TRHDE: variants seen among roughly 807,000 people sequenced by gnomAD.
TRHDE encodes the protein thyrotropin releasing hormone degrading enzyme.
A neutral mutation model predicts 125.7 loss-of-function variants in TRHDE; 72 were observed. The ratio of observed to expected loss-of-function variants is 0.57; its 90% CI spans 0.47 to 0.70. The LOEUF is 0.70. Among genes scored for constraint, TRHDE ranks in the 30% least tolerant of loss-of-function variants. The pLI is 0.00. For missense variants in TRHDE, 1,110 were observed against 1,327.1 expected (o/e 0.84, Z 2.54); for synonymous variants, 509 against 509.1 (o/e 1.00, Z 0.00).
chr12:72,099,971 G>T (rs1406288139), intron 1 of TRHDE, among the ~76,000 whole-genome samples: 1 of 152,122 alleles, frequency 6.6e-6, no homozygotes, highest in Non-Finnish European at 1.5e-5. Context: ...GATTTCTGTA[G>T]GTAGTAAAGA....
intron 2 of TRHDE, among the ~76,000 whole-genome samples, chr12:72,130,386 T>C (rs1298788906): frequency 6.6e-6 from 1 of 152,152 alleles, no homozygotes; most frequent in Non-Finnish European, 1.5e-5. Context: ...ATATTAGATA[T>C]GAAGAAATAA....
rs141031643 is a variant in TRHDE at position 72,244,590 on chromosome 12, T to C, written n.280-133405T>C. The stretch of plus-strand genomic sequence containing the variant: ...TGATTTGATTGATTAAAAATTTTAG[T>C]GATAATTCAATCCAGAAGAAACATT... On this transcript the variant is annotated intron_variant and non_coding_transcript_variant, in intron 2 of 4. Coordinates refer to the TRHDE transcript ENST00000548156. Among the ~76,000 whole-genome samples the C allele has an allele frequency of 5.2e-4, 79 of 152,156 alleles. 1 individual carries two copies. In the East Asian group the frequency reaches 0.014, roughly 26 times the overall value.
chr12:72,207,719 C>G (rs1344671172), intron 2 of TRHDE, among the ~76,000 whole-genome samples: 3 of 152,150 alleles, frequency 2.0e-5, no homozygotes, highest in Non-Finnish European at 4.4e-5. Context: ...ATACAGCAAA[C>G]TAGGATATCT....
intron 12 of TRHDE, among the ~76,000 whole-genome samples, chr12:72,598,273 T>G (rs1326037324): frequency 6.6e-6 from 1 of 152,222 alleles, no homozygotes; most frequent in Non-Finnish European, 1.5e-5. Flanking sequence ...GTTTCTACAT[T>G]GCTTTTTATA....
At chr12:72,302,238 GTGTGTGTA>G (rs1329461323) in intron 2 of TRHDE, among the ~76,000 whole-genome samples, 1 of 50,836 alleles carries the variant, frequency 2.0e-5, no homozygotes, top group Non-Finnish European at 4.5e-5. Flanking sequence ...TTATCTATGT[GTGTGTGTA>G]TGTGTGTGTG....
Position 72,663,424 on chromosome 12 carries a change from G to A in TRHDE, c.*229G>A, listed in dbSNP as rs1874996679. On this transcript the variant is annotated 3_prime_UTR_variant, in exon 19 of 19. Transcript: ENST00000261180. Reference sequence around the variant, plus strand: ...GGTGTTCCTCTCTAAAGAAACTCTTGCAAGTGAAACTAGCCATGATTGCTT... The same window carrying A: ...GGTGTTCCTCTCTAAAGAAACTCTTACAAGTGAAACTAGCCATGATTGCTT... 2.8e-6 allele frequency: 1 copy of A among 353,878 alleles called. No homozygotes were observed. The highest frequency in any genetic ancestry group is 4.9e-5 in the East Asian group (1 of 20,248). 21.9% of individuals were successfully genotyped at this position (353,878 alleles called of 1,614,324 possible). A position where few individuals can be genotyped will look rare whatever the true frequency, so the allele number is the denominator to read the frequency against.
rs1879898144 is a variant in TRHDE at position 72,286,621 on chromosome 12, G to C, written c.915-60G>C. On this transcript the variant is annotated intron_variant, in intron 1 of 18. Coordinates refer to ENST00000261180, the MANE Select transcript of TRHDE (RefSeq NM_013381.3). The stretch of plus-strand genomic sequence containing the variant: ...TATTTCATCAACAGAAGCATGTAAT[G>C]TGGCCATAACTTAACTCACAACATA... 9 of 1,465,526 alleles carry C rather than the reference G, an allele frequency of 6.1e-6. No individual in the cohort carries two copies. The South Asian group carries it at 9.9e-5, about 16-fold the overall frequency. 90.8% of individuals were successfully genotyped at this position (1,465,526 alleles called of 1,614,324 possible).
chr12:72,641,015 CA>C (rs1461630430), intron 15 of TRHDE, among the ~76,000 whole-genome samples: 1 of 151,928 alleles, frequency 6.6e-6, no homozygotes, highest in Non-Finnish European at 1.5e-5. Flanking sequence ...CTTGTACTCA[CA>C]GAGCAAGAAG....
chr12:72,632,588 A>C (rs917070666), intron 15 of TRHDE, among the ~76,000 whole-genome samples: 3 of 151,860 alleles, frequency 2.0e-5, no homozygotes, highest in African/African-American at 7.2e-5. Flanking sequence ...CTGAGTCATC[A>C]TAGATATCTT....
intron 3 of TRHDE, among the ~76,000 whole-genome samples, chr12:72,406,214 ATTGCC>A: frequency 6.6e-6 from 1 of 152,316 alleles, no homozygotes; most frequent in East Asian, 1.9e-4. Flanking sequence ...TCTGAGCAGG[ATTGCC>A]TTCTCCAAAA....
In TRHDE at chr12:72,667,378, A is replaced by G. The variant is rs1875146892; in HGVS notation, c.*4183A>G. The G allele has an allele frequency of 6.6e-6, 1 of 151,722 alleles. No homozygotes were observed. Among genetic ancestry groups the G allele is most frequent in the African/African-American group, 2.4e-5 (1 of 41,398 alleles). 9.4% of individuals were successfully genotyped at this position (151,722 alleles called of 1,614,324 possible). A position where few individuals can be genotyped will look rare whatever the true frequency, so the allele number is the denominator to read the frequency against. On this transcript the variant is annotated 3_prime_UTR_variant, in exon 19 of 19. Coordinates refer to ENST00000261180, the MANE Select transcript of TRHDE (RefSeq NM_013381.3). ...CAGAGATAATTTTTCATTATCAGAG[A>G]TCATAGCTGAATTATCATTTGACAA...
intron 2 of TRHDE, among the ~76,000 whole-genome samples, chr12:72,149,272 A>G (rs1876301815): frequency 6.6e-6 from 1 of 152,214 alleles, no homozygotes; most frequent in Non-Finnish European, 1.5e-5. Flanking sequence ...AAGAAAACTC[A>G]GAATTGGTTA....
intron 2 of TRHDE, among the ~76,000 whole-genome samples, chr12:72,219,767 T>G (rs1194639606): frequency 2.0e-5 from 3 of 152,186 alleles, no homozygotes; most frequent in Non-Finnish European, 4.4e-5. Context: ...TTATTTCATG[T>G]GTGTGTTCAC....
chr12:72,242,513 G>T (rs1878502007), intron 2 of TRHDE, among the ~76,000 whole-genome samples: 1 of 152,130 alleles, frequency 6.6e-6, no homozygotes, highest in Non-Finnish European at 1.5e-5. Context: ...TTTTGGACAA[G>T]CCCTCTGTTT....
intron 5 of TRHDE, among the ~76,000 whole-genome samples, chr12:72,475,469 G>A (rs1283510801): frequency 6.6e-6 from 1 of 152,232 alleles, no homozygotes; most frequent in East Asian, 1.9e-4. Flanking sequence ...TATACATGGG[G>A]TGAAAAGTGA....
chr12:72,433,270 A>G (rs960870496), intron 3 of TRHDE, among the ~76,000 whole-genome samples: 1 of 151,994 alleles, frequency 6.6e-6, no homozygotes, highest in East Asian at 1.9e-4. Context: ...TTTCTTCTGA[A>G]GTATTGTCTG....
intron 2 of TRHDE, among the ~76,000 whole-genome samples, chr12:72,250,837 GATATATATATATAT>G (rs376713479): frequency 3.4e-5 from 4 of 117,932 alleles, no homozygotes; most frequent in Admixed American, 8.6e-5. Flanking sequence ...ATGACTTACA[GATATATATATATAT>G]ATATATATAT....
chr12:72,454,531 T>C (rs1875745365), intron 3 of TRHDE, among the ~76,000 whole-genome samples: 1 of 152,142 alleles, frequency 6.6e-6, no homozygotes, highest in South Asian at 2.1e-4. Flanking sequence ...TTACATTGAA[T>C]ACTGAAAAAG....
At chr12:72,193,909 T>A (rs1364940110) in intron 2 of TRHDE, among the ~76,000 whole-genome samples, 1 of 152,120 alleles carries the variant, frequency 6.6e-6, no homozygotes, top group African/African-American at 2.4e-5. Flanking sequence ...ACATGTAACA[T>A]CTCTTGAAAA....
Sources: gnomAD v4.1 joint callset for allele counts (sites outside exome capture counted in the v4.1 genomes callset) on GRCh38, gnomAD v4.1.1 for gene constraint, MANE v1.5 for transcripts, NCBI Gene and HGNC (gene_info 2026-07-23, HGNC 2026-07-21) for gene names.